Variants in TRIM13 observed in about 807,000 individuals in gnomAD.
TRIM13 encodes E3 ubiquitin-protein ligase TRIM13.
Under a neutral mutation model 27.1 loss-of-function variants are expected in TRIM13, and 15 were observed. The observed-to-expected ratio is 0.55, with a 90% CI of 0.37 to 0.85. The LOEUF (loss-of-function observed/expected upper bound fraction) is 0.85. Ranked by LOEUF, TRIM13 falls within the 40% of genes least tolerant of loss-of-function variation. The pLI is 0.00. For synonymous variants in TRIM13, 193 were observed against 171.5 expected (o/e 1.13, Z -0.98); for missense variants, 402 against 472.2 (o/e 0.85, Z 1.38).
chr13:50,009,777 CTA>C (rs1185028529), intron 1 of TRIM13, among the ~76,000 whole-genome samples: 1 of 144,960 alleles, frequency 6.9e-6, no homozygotes, highest in Non-Finnish European at 1.5e-5. Flanking sequence ...ACAAAAAACA[CTA>C]AAACTAAAAA....
chr13:50,006,172 G>C (rs556095567), intron 1 of TRIM13, among the ~76,000 whole-genome samples: 1 of 151,810 alleles, frequency 6.6e-6, no homozygotes, highest in Non-Finnish European at 1.5e-5. Context: ...TTCCCCTCTG[G>C]TTCATTTTAA....
At chr13:50,003,001 C>T (rs1185103725) in intron 1 of TRIM13, among the ~76,000 whole-genome samples, 1 of 152,102 alleles carries the variant, frequency 6.6e-6, no homozygotes, top group Non-Finnish European at 1.5e-5. Context: ...TGCAGTGGCT[C>T]ATGCCTGTAG....
In TRIM13 at chr13:50,013,924, G is replaced by T. The variant is rs952596287; in HGVS notation, c.*760G>T. On this transcript the variant is annotated 3_prime_UTR_variant, in exon 2 of 2. Coordinates refer to ENST00000378182, the MANE Select transcript of TRIM13 (RefSeq NM_213590.3). Reference sequence around the variant, plus strand: ...TAGAAGATTTCACACACACACGCGTGTGTGGGAGACAACTAAAGGTATTGA... The same window carrying T: ...TAGAAGATTTCACACACACACGCGTTTGTGGGAGACAACTAAAGGTATTGA... 6.0e-6 allele frequency: 1 copy of T among 166,706 alleles called. No homozygotes were observed. The highest frequency in any genetic ancestry group is 1.5e-5 in the Non-Finnish European group (1 of 68,044). 10.3% of individuals were successfully genotyped at this position (166,706 alleles called of 1,614,324 possible). A position where few individuals can be genotyped will look rare whatever the true frequency, so the allele number is the denominator to read the frequency against.
In TRIM13 at chr13:49,997,136, G is replaced by A. The variant is rs1192046505; in HGVS notation, c.-634G>A. 1.3e-5 allele frequency: 2 copies of A among 152,182 alleles called. No individual in the cohort carries two copies. The highest frequency in any genetic ancestry group is 4.8e-5 in the African/African-American group (2 of 41,366). 9.4% of individuals were successfully genotyped at this position (152,182 alleles called of 1,614,324 possible). A position where few individuals can be genotyped will look rare whatever the true frequency, so the allele number is the denominator to read the frequency against. The stretch of plus-strand genomic sequence containing the variant: ...GGCCTTTCCCACTAGCCGGAGGTCG[G>A]AGATAAGTACCCGCCGCCCGGCTCC... On this transcript the variant is annotated 5_prime_UTR_variant, in exon 1 of 2. Coordinates refer to ENST00000378182, the MANE Select transcript of TRIM13 (RefSeq NM_213590.3).
At chr13:50,003,133 A>G (rs538087411) in intron 1 of TRIM13, among the ~76,000 whole-genome samples, 3 of 152,226 alleles carry the variant, frequency 2.0e-5, no homozygotes, top group Non-Finnish European at 4.4e-5. Flanking sequence ...GAATTATTTC[A>G]AAGTAACATT....
chr13:50,013,519 T>TTC lies in TRIM13; in HGVS notation c.*356_*357insCT, dbSNP rs1491132976. On this transcript the variant is annotated 3_prime_UTR_variant, in exon 2 of 2. Transcript: ENST00000378182. ...TCTTCAAGCATGCAGTAAAGATCAC[T>TTC]TTTTTTTTTTTTTTTTTTTTTGAGA... 1 of 9,118 alleles carries TTC rather than the reference T, an allele frequency of 1.1e-4. No homozygotes were observed. The highest frequency in any genetic ancestry group is 5.3e-3 in the Non-Finnish European group (1 of 190). 0.6% of individuals were successfully genotyped at this position (9,118 alleles called of 1,614,324 possible). A position where few individuals can be genotyped will look rare whatever the true frequency, so the allele number is the denominator to read the frequency against.
At position 50,017,250 on chromosome 13, in the gene TRIM13, G is replaced by A. The variant is rs1876719710; in HGVS notation, c.*4086G>A. On this transcript the variant is annotated 3_prime_UTR_variant, in exon 2 of 2. Coordinates refer to ENST00000378182, the MANE Select transcript of TRIM13 (RefSeq NM_213590.3). ...TATGAGTGATTATGACCTCTTTGGG[G>A]ATCATGCTTCAAAAAGTCAGAAACC... 1 of 166,952 alleles carries A rather than the reference G, an allele frequency of 6.0e-6. No homozygotes were observed. Among genetic ancestry groups the A allele is most frequent in the Non-Finnish European group, 1.5e-5 (1 of 68,092 alleles). The allele number at this position is 166,952 out of a possible 1,614,324, so 10.3% of individuals were successfully genotyped here.
In TRIM13 at chr13:50,012,934, C is replaced by T. The variant is rs1875838244; in HGVS notation, c.994C>T (p.Pro332Ser). 1.2e-6 allele frequency: 2 copies of T among 1,613,924 alleles called. No individual in the cohort carries two copies. The highest frequency in any genetic ancestry group is 1.7e-6 in the Non-Finnish European group (2 of 1,179,980). Residue 332 changes from proline (P) to serine (S), a missense_variant, in exon 2 of 2, where the codon CCT becomes TCT. Physicochemically the swap from Pro to Ser is moderately conservative, Grantham distance 74. Around this residue, in one of 2 missense-constraint regions of TRIM13, gnomAD observed 200 missense variants for 194.7 expected, o/e 1.03. Transcript: ENST00000378182. ...LLLGLVIVFG[P>S]TMFLEWSLFD... ...GCTTGGCCTTGTCATTGTCTTTGGTCCTACCATGTTCCTAGAATGGTCATT... is the reference window on the plus strand; with the variant it reads ...GCTTGGCCTTGTCATTGTCTTTGGTTCTACCATGTTCCTAGAATGGTCATT...
rs1399871327 is a variant in TRIM13, at chr13:50,017,115, CTGAT to C, written c.*3954_*3957del. On this transcript the variant is annotated 3_prime_UTR_variant, in exon 2 of 2. Coordinates refer to ENST00000378182, the MANE Select transcript of TRIM13 (RefSeq NM_213590.3). ...AAAGAGAGCCAGTCAAGCTAGTAGG[CTGAT>C]TGTGAAGAAAATCTAATACCTTATC... 1 of 166,996 alleles carries C rather than the reference CTGAT, an allele frequency of 6.0e-6. No homozygotes were observed. Among genetic ancestry groups the C allele is most frequent in the African/African-American group, 2.4e-5 (1 of 41,424 alleles). 10.3% of individuals were successfully genotyped at this position (166,996 alleles called of 1,614,324 possible). A position where few individuals can be genotyped will look rare whatever the true frequency, so the allele number is the denominator to read the frequency against.
chr13:50,011,805 C>G, intron 1 of TRIM13, 130 bp from the exon 2 acceptor site: 4 of 1,139,690 alleles, frequency 3.5e-6, no homozygotes, highest in Non-Finnish European at 4.9e-6. Context: ...TACCAAATTT[C>G]TCACTACTTT....
rs754560676 is a variant in TRIM13 at position 50,012,697 on chromosome 13, CAGG to C, written c.760_762del (p.Glu254del). The C allele has an allele frequency of 2.0e-5, 33 of 1,614,026 alleles. No individual in the cohort carries two copies. The highest frequency in any genetic ancestry group is 2.7e-5 in the Non-Finnish European group (32 of 1,180,034). On this transcript the variant is annotated inframe_deletion, in exon 2 of 2. Transcript: ENST00000378182. ...ACCCATTGTATTTCTGCAACAGATG[CAGG>C]AGTTTAGAGAGAAAATCAAAGTAAT...
rs1436524145 is a variant in TRIM13, at chr13:49,997,421, TAGAAA to T, written c.-340_-336del. Reference sequence around the variant, plus strand: ...CCGCTACCAGCGTCTCCACATCCCCTAGAAAAGAAAAGACGGGTGTGGGCCTTAGG... The same window carrying T: ...CCGCTACCAGCGTCTCCACATCCCCTAGAAAAGACGGGTGTGGGCCTTAGG... On this transcript the variant is annotated 5_prime_UTR_variant, in exon 1 of 2. Transcript: ENST00000378182. 1.3e-5 allele frequency: 2 copies of T among 152,156 alleles called. No homozygotes were observed. Among genetic ancestry groups the T allele is most frequent in the East Asian group, 1.9e-4 (1 of 5,152 alleles). 9.4% of individuals were successfully genotyped at this position (152,156 alleles called of 1,614,324 possible). A position where few individuals can be genotyped will look rare whatever the true frequency, so the allele number is the denominator to read the frequency against.
chr13:50,009,462 C>G (rs571593006), intron 1 of TRIM13, among the ~76,000 whole-genome samples: 1 of 151,970 alleles, frequency 6.6e-6, no homozygotes, highest in South Asian at 2.1e-4. Flanking sequence ...CACGGCCAGG[C>G]GCGGTGGCTC....
At chr13:50,003,725 CCTT>C (rs1279977217) in intron 1 of TRIM13, among the ~76,000 whole-genome samples, 15 of 152,182 alleles carry the variant, frequency 9.9e-5, no homozygotes, top group Admixed American at 2.6e-4. Flanking sequence ...TTTTTGTAAT[CCTT>C]CTTCTTTGTG....
At chr13:49,998,796 G>T (rs560457389) in intron 1 of TRIM13, among the ~76,000 whole-genome samples, 1 of 151,726 alleles carries the variant, frequency 6.6e-6, no homozygotes, top group Non-Finnish European at 1.5e-5. Flanking sequence ...GGGCGTGGGG[G>T]TGCGTGCACC....
In TRIM13 at chr13:50,017,293, T is replaced by C. The variant is rs1449548025; in HGVS notation, c.*4129T>C. 1 of 167,072 alleles carries C rather than the reference T, an allele frequency of 6.0e-6. No individual in the cohort carries two copies. Among genetic ancestry groups the C allele is most frequent in the Non-Finnish European group, 1.5e-5 (1 of 68,112 alleles). The allele number at this position is 167,072 out of a possible 1,614,324, so 10.3% of individuals were successfully genotyped here. A position where few individuals can be genotyped will look rare whatever the true frequency, so the allele number is the denominator to read the frequency against. ...CAGAAACCTAGAGACAAAACTGTCA[T>C]TGATTTTTAAGAAGAAACACACTAG... On this transcript the variant is annotated 3_prime_UTR_variant, in exon 2 of 2. Transcript: ENST00000378182.
In TRIM13 at chr13:50,016,863, CTTT is replaced by C. The variant is rs34862097; in HGVS notation, c.*3713_*3715del. On this transcript the variant is annotated 3_prime_UTR_variant, in exon 2 of 2. Transcript: ENST00000378182. ...CTTTATTGGTATCATTTAAAATATA[CTTT>C]TTTTTTTTTTTTTGGTAAAGGTAGG... is the stretch of plus-strand genomic sequence containing the variant. 2.2e-3 allele frequency: 324 copies of C among 149,254 alleles called. No individual in the cohort carries two copies. The highest frequency in any genetic ancestry group is 4.7e-4 in the Non-Finnish European group (30 of 63,880). 9.2% of individuals were successfully genotyped at this position (149,254 alleles called of 1,614,324 possible). A position where few individuals can be genotyped will look rare whatever the true frequency, so the allele number is the denominator to read the frequency against.
At chr13:50,008,348 A>G (rs1028820766) in intron 1 of TRIM13, among the ~76,000 whole-genome samples, 6 of 152,214 alleles carry the variant, frequency 3.9e-5, no homozygotes, top group African/African-American at 1.4e-4. Flanking sequence ...TGGTTTTACA[A>G]CTATAGAGAT....
chr13:50,013,243 A>G lies in TRIM13; in HGVS notation c.*79A>G. The G allele has an allele frequency of 7.4e-7, 1 of 1,351,768 alleles. No individual in the cohort carries two copies. The highest frequency in any genetic ancestry group is 1.6e-5 in the South Asian group (1 of 63,356). 83.7% of individuals were successfully genotyped at this position (1,351,768 alleles called of 1,614,324 possible). ...AGTGGTAATTCAGATTTGGTCAACG[A>G]TTCTAGTCACATATTTTCCTCCAAA... On this transcript the variant is annotated 3_prime_UTR_variant, in exon 2 of 2. Transcript: ENST00000378182.
Sources: gnomAD v4.1 joint callset for allele counts (sites outside exome capture counted in the v4.1 genomes callset) on GRCh38, gnomAD v4.1.1 for gene constraint, gnomAD v4.1.1 regional missense constraint, MANE v1.5 for transcripts, NCBI Gene and HGNC (gene_info 2026-07-23, HGNC 2026-07-21) for gene names.